SPEN: variants seen among roughly 807,000 people sequenced by gnomAD.
SPEN encodes the protein spen family transcriptional repressor.
In SPEN, 18 loss-of-function variants were observed where a neutral mutation model predicts 269.9. That is an observed-to-expected ratio of 0.07 (90% CI 0.05 to 0.10). The LOEUF (loss-of-function observed/expected upper bound fraction) is 0.10. Ranked by LOEUF, SPEN falls within the 10% of genes least tolerant of loss-of-function variation. The pLI, the probability that SPEN is intolerant of heterozygous loss-of-function variation, is 1.00. For missense variants in SPEN, 3,822 were observed against 4,631.2 expected, an observed-to-expected ratio of 0.83 and a Z score of 5.07; for synonymous variants, 1,726 against 1,765.7, an observed-to-expected ratio of 0.98 and a Z score of 0.56.
In SPEN at chr1:15,930,740, T is replaced by C. The variant is rs534410225; in HGVS notation, c.4500T>C (p.Ile1500=). ...CCTGGTACATGAAAAAGAAGAAAAT[T>C]AGGACTGATTCAGAAGGGAAAATGG... is the stretch of plus-strand genomic sequence containing the variant. ...IPSWYMKKKK[I]RTDSEGKMDD... Residue 1500 remains isoleucine (I), a synonymous_variant, in exon 11 of 15, where the codon ATT becomes ATC. Coordinates refer to ENST00000375759, the MANE Select transcript of SPEN (RefSeq NM_015001.3). The surrounding 1 kb of genome is among the most constrained non-coding windows in gnomAD (Gnocchi z 5.3). 54 of 1,613,870 alleles carry C rather than the reference T, an allele frequency of 3.3e-5. No homozygotes were observed. The South Asian group carries it at 5.8e-4, about 17-fold the overall frequency.
rs1489373938 is a variant in SPEN, at chr1:15,931,806, A to C, written c.5566A>C (p.Asn1856His). The change falls in exon 11 of 15, where the codon AAT (asparagine) becomes CAT (histidine). Residue 1856 changes from asparagine (N) to histidine (H), a missense_variant. Asn to His is a moderately conservative substitution (Grantham distance 68, BLOSUM62 1). Around this residue, in one of 16 missense-constraint regions of SPEN, gnomAD observed 533 missense variants for 618.8 expected, o/e 0.86. Coordinates refer to ENST00000375759, the MANE Select transcript of SPEN (RefSeq NM_015001.3). The surrounding 1 kb of genome is among the most constrained non-coding windows in gnomAD (Gnocchi z 4.8). ...RIDREKLKRS[N>H]SPRGEAQKLL... Reference sequence around the variant, plus strand: ...AGACCGGGAAAAACTCAAGCGGTCCAATTCTCCTCGGGGAGAAGCACAGAA... The same window carrying C: ...AGACCGGGAAAAACTCAAGCGGTCCCATTCTCCTCGGGGAGAAGCACAGAA... The C allele has an allele frequency of 6.2e-7, 1 of 1,614,228 alleles. No homozygotes were observed. The highest frequency in any genetic ancestry group is 1.1e-5 in the South Asian group (1 of 91,078).
chr1:15,894,535 T>G (rs471828), intron 3 of SPEN, among the ~76,000 whole-genome samples: 11,993 of 140,804 alleles, frequency 0.085, 836 homozygotes, highest in Admixed American at 0.18. Flanking sequence ...ATATTATGGT[T>G]GTTTTTTTTT....
At chr1:15,859,270 C>T (rs1194710975) in intron 1 of SPEN, among the ~76,000 whole-genome samples, 1 of 151,462 alleles carries the variant, frequency 6.6e-6, no homozygotes, top group African/African-American at 2.4e-5. Context: ...ATATTTCCGC[C>T]TCAACCTGCC....
chr1:15,934,404 C>G lies in SPEN; in HGVS notation c.8164C>G (p.Pro2722Ala), dbSNP rs1436731355. 4 of 1,613,656 alleles carry G rather than the reference C, an allele frequency of 2.5e-6. No individual in the cohort carries two copies. In the South Asian group the frequency reaches 4.4e-5, roughly 18 times the overall value. ...CACGGTGGGCACAGTGAATGCCGCCCCAGGCACAGTCAATGCCGCTGCGAG... is the reference window on the plus strand; with the variant it reads ...CACGGTGGGCACAGTGAATGCCGCCGCAGGCACAGTCAATGCCGCTGCGAG... ...NATVGTVNAA[P>A]GTVNAAASAV... Residue 2722 changes from proline (P) to alanine (A), a missense_variant, in exon 11 of 15, where the codon CCA (proline) becomes GCA (alanine). Pro to Ala is a conservative substitution (Grantham distance 27). Coordinates refer to ENST00000375759, the MANE Select transcript of SPEN (RefSeq NM_015001.3). This position sits in a 1 kb window ranked among gnomAD's most constrained non-coding sequence, Gnocchi z 9.2.
In SPEN at chr1:15,876,293, G is replaced by C; in HGVS notation, c.496G>C (p.Asp166His). The change falls in exon 3 of 15, where the codon GAT (aspartate) becomes CAT (histidine). Residue 166 changes from aspartate (D) to histidine (H), a missense_variant. Asp to His is a moderately conservative substitution (Grantham distance 81). Coordinates refer to ENST00000375759, the MANE Select transcript of SPEN (RefSeq NM_015001.3). ...AGGATTTGATCGGACAAGACATTACGATCAGGATTACTATAGAGATCCTCG... is the reference window on the plus strand; with the variant it reads ...AGGATTTGATCGGACAAGACATTACCATCAGGATTACTATAGAGATCCTCG... ...TGGFDRTRHY[D>H]QDYYRDPRER... 2 of 1,614,016 alleles carry C rather than the reference G, an allele frequency of 1.2e-6. No individual in the cohort carries two copies. The highest frequency in any genetic ancestry group is 1.7e-6 in the Non-Finnish European group (2 of 1,180,010).
Position 15,939,457 on chromosome 1 carries a change from C to G in SPEN, c.*30C>G, listed in dbSNP as rs561656387. On this transcript the variant is annotated 3_prime_UTR_variant, in exon 15 of 15. Coordinates refer to ENST00000375759, the MANE Select transcript of SPEN (RefSeq NM_015001.3). This position sits in a 1 kb window ranked among gnomAD's most constrained non-coding sequence, Gnocchi z 4.1. ...CTGAGTGGTTATCACCTCAGTGAAT[C>G]TTCCCAGGGCTCTGCAGTAAAAACA... 1 of 1,524,810 alleles carries G rather than the reference C, an allele frequency of 6.6e-7. No individual in the cohort carries two copies. The highest frequency in any genetic ancestry group is 1.3e-5 in the South Asian group (1 of 79,322). The allele number at this position is 1,524,810 out of a possible 1,614,324, so 94.5% of individuals were successfully genotyped here.
chr1:15,874,550 G>A (rs929927462), intron 2 of SPEN, among the ~76,000 whole-genome samples: 2 of 152,156 alleles, frequency 1.3e-5, no homozygotes, highest in Admixed American at 6.6e-5. Flanking sequence ...CCTGCCTTCT[G>A]TATCTTCTTA....
rs72882566 is a variant in SPEN, at chr1:15,848,668, C to T, written c.83+518C>T. 7.2e-3 allele frequency among the ~76,000 whole-genome samples: 1,095 copies of T among 152,358 alleles called. 24 individuals are homozygous for T. The highest frequency in any genetic ancestry group is 0.025 in the African/African-American group (1,038 of 41,596). On this transcript the variant is annotated intron_variant, in intron 1 of 14. Transcript: ENST00000375759. This position sits in a 1 kb window ranked among gnomAD's most constrained non-coding sequence, Gnocchi z 5.1. ...GCGAAAACAGAAGTCGCAGTAGGTA[C>T]TGTGGTCGCGTCGCGGACCCGGAGA... is the stretch of plus-strand genomic sequence containing the variant.
In SPEN at chr1:15,935,782, A is replaced by C; in HGVS notation, c.9542A>C (p.Gln3181Pro). 1 of 1,613,864 alleles carries C rather than the reference A, an allele frequency of 6.2e-7. No individual in the cohort carries two copies. The highest frequency in any genetic ancestry group is 8.5e-7 in the Non-Finnish European group (1 of 1,180,000). ...GTGCAGTCAGAGGTACTAGTCATGC[A>C]GTCTGAGTACCGACTGCACCCCTAT... is the stretch of plus-strand genomic sequence containing the variant. ...APVQSEVLVM[Q>P]SEYRLHPYTV... The change falls in exon 11 of 15, where the codon CAG becomes CCG. Residue 3181 changes from glutamine to proline, a missense_variant. Physicochemically the swap from Gln to Pro is moderately conservative, Grantham distance 76. Transcript: ENST00000375759. This position sits in a 1 kb window ranked among gnomAD's most constrained non-coding sequence, Gnocchi z 7.7.
Position 15,939,264 on chromosome 1 carries a change from C to T in SPEN, c.10864-32C>T, listed in dbSNP as rs72885811. 1.1e-3 allele frequency: 1,747 copies of T among 1,524,900 alleles called. 26 individuals are homozygous for T. The African/African-American group carries it at 0.022, about 19-fold the overall frequency. The allele number at this position is 1,524,900 out of a possible 1,614,324, so 94.5% of individuals were successfully genotyped here. ...GTGGAGTTGTGGGGGTGAAGACAGA[C>T]GGTCCCACTTTGCTCTCTATCCTGT... is the stretch of plus-strand genomic sequence containing the variant. On this transcript the variant is annotated intron_variant, in intron 14 of 14. Coordinates refer to ENST00000375759, the MANE Select transcript of SPEN (RefSeq NM_015001.3). The surrounding 1 kb of genome is among the most constrained non-coding windows in gnomAD (Gnocchi z 4.1).
In SPEN at chr1:15,876,596, AG is replaced by A. The variant is rs2070633126; in HGVS notation, c.801del (p.Arg267SerfsTer99). 1 of 1,613,920 alleles carries A rather than the reference AG, an allele frequency of 6.2e-7. No individual in the cohort carries two copies. The highest frequency in any genetic ancestry group is 1.3e-5 in the African/African-American group (1 of 74,922). The part of the protein sequence containing the change: ...RLASQASRPT[R>X]SPSGSGSRSR... ...GGCTAGCCAAGCATCTAGACCCACAAGGTCCCCTAGCGGCAGCGGCTCTAGA... is the reference window on the plus strand; with the variant it reads ...GGCTAGCCAAGCATCTAGACCCACAAGTCCCCTAGCGGCAGCGGCTCTAGA... On this transcript the variant is annotated frameshift_variant, in exon 3 of 15. Coordinates refer to ENST00000375759, the MANE Select transcript of SPEN (RefSeq NM_015001.3). LOFTEE classifies it high-confidence loss of function.
Position 15,939,530 on chromosome 1 carries a change from C to T in SPEN, c.*103C>T. 7.3e-7 allele frequency: 1 copy of T among 1,371,534 alleles called. No homozygotes were observed. Among genetic ancestry groups the T allele is most frequent in the Admixed American group, 2.8e-5 (1 of 35,720 alleles). 85.0% of individuals were successfully genotyped at this position (1,371,534 alleles called of 1,614,324 possible). A position where few individuals can be genotyped will look rare whatever the true frequency, so the allele number is the denominator to read the frequency against. Reference sequence around the variant, plus strand: ...GGAAGAAGCTGCCGAAGGGGACAGACTCCACTGCCAGACGGCCAGCCGTTT... The same window carrying T: ...GGAAGAAGCTGCCGAAGGGGACAGATTCCACTGCCAGACGGCCAGCCGTTT... On this transcript the variant is annotated 3_prime_UTR_variant, in exon 15 of 15. Transcript: ENST00000375759. The surrounding 1 kb of genome is among the most constrained non-coding windows in gnomAD (Gnocchi z 4.1).
Position 15,930,769 on chromosome 1 carries a change from A to T in SPEN, c.4529A>T (p.Asp1510Val). The T allele has an allele frequency of 6.2e-7, 1 of 1,614,224 alleles. No homozygotes were observed. Among genetic ancestry groups the T allele is most frequent in the Non-Finnish European group, 8.5e-7 (1 of 1,180,036 alleles). ...IRTDSEGKMD[D>V]KKEDHKEEEQ... Reference sequence around the variant, plus strand: ...ACTGATTCAGAAGGGAAAATGGATGATAAGAAAGAGGACCATAAAGAAGAA... The same window carrying T: ...ACTGATTCAGAAGGGAAAATGGATGTTAAGAAAGAGGACCATAAAGAAGAA... Residue 1510 changes from aspartate (D) to valine (V), a missense_variant, in exon 11 of 15, where the codon GAT (aspartate) becomes GTT (valine). Coordinates refer to ENST00000375759, the MANE Select transcript of SPEN (RefSeq NM_015001.3). This position sits in a 1 kb window ranked among gnomAD's most constrained non-coding sequence, Gnocchi z 5.3.
Position 15,891,906 on chromosome 1 carries a change from TA to T in SPEN, c.881+15240del, listed in dbSNP as rs61565536. ...TCAAGTTCTGGAGACCTGGTTTTTTTAAAAAAAAAAAACTTATTTATGTTGG... is the reference window on the plus strand; with the variant it reads ...TCAAGTTCTGGAGACCTGGTTTTTTTAAAAAAAAAAACTTATTTATGTTGG... On this transcript the variant is annotated intron_variant, in intron 3 of 14. Transcript: ENST00000375759. Among the ~76,000 whole-genome samples, 1,311 of 144,536 alleles carry T rather than the reference TA, an allele frequency of 9.1e-3. 12 individuals are homozygous for T. Among genetic ancestry groups the T allele is most frequent in the East Asian group, 0.061 (305 of 5,028 alleles). 94.8% of individuals were successfully genotyped at this position (144,536 alleles called of 152,430 possible).
At chr1:15,917,432 C>T (rs566535385) in intron 6 of SPEN, among the ~76,000 whole-genome samples, 1 of 152,240 alleles carries the variant, frequency 6.6e-6, no homozygotes, top group African/African-American at 2.4e-5. Flanking sequence ...TCTTGTCACC[C>T]AGGCTGGAGT....
chr1:15,859,110 A>G lies in SPEN; in HGVS notation c.83+10960A>G, dbSNP rs183782880. ...TATTTTTAAAGTTTGAAATAGTTTTAAATTATATTGCAGTCGGTTTTCTTT... is the reference window on the plus strand; with the variant it reads ...TATTTTTAAAGTTTGAAATAGTTTTGAATTATATTGCAGTCGGTTTTCTTT... On this transcript the variant is annotated intron_variant, in intron 1 of 14. Coordinates refer to ENST00000375759, the MANE Select transcript of SPEN (RefSeq NM_015001.3). 6.3e-3 allele frequency among the ~76,000 whole-genome samples: 950 copies of G among 151,062 alleles called. 7 individuals are homozygous for G. Among genetic ancestry groups the G allele is most frequent in the Middle Eastern group, 0.017 (5 of 290 alleles).
intron 3 of SPEN, among the ~76,000 whole-genome samples, chr1:15,891,390 C>A (rs536255773): frequency 6.7e-6 from 1 of 148,652 alleles, no homozygotes; most frequent in Admixed American, 6.8e-5. Context: ...CTGGCTCTGT[C>A]GCCCAGGCTG....
At chr1:15,921,511 TCTC>T (rs1242280076) in intron 9 of SPEN, among the ~76,000 whole-genome samples, 2 of 152,184 alleles carry the variant, frequency 1.3e-5, no homozygotes, top group African/African-American at 2.4e-5. Flanking sequence ...CTAAAAATCT[TCTC>T]ATTCAAAGAA....
chr1:15,904,779 A>G (rs939357817), intron 3 of SPEN, among the ~76,000 whole-genome samples: 2 of 150,886 alleles, frequency 1.3e-5, no homozygotes, highest in Admixed American at 1.3e-4. Context: ...GGCCTGTGAT[A>G]ATGTTTATAA....
Sources: allele counts gnomAD v4.1 joint callset (sites outside exome capture counted in the v4.1 genomes callset), GRCh38; gene constraint gnomAD v4.1.1; regional missense constraint gnomAD v4.1.1; non-coding constraint Gnocchi (gnomAD v3.1); transcripts MANE v1.5; gene names NCBI Gene and HGNC (gene_info 2026-07-23, HGNC 2026-07-21).